CLTCL1: variants seen among roughly 807,000 people sequenced by gnomAD.
The protein encoded by CLTCL1 is clathrin heavy chain like 1.
In CLTCL1, 159 loss-of-function variants were observed where a neutral mutation model predicts 190.0. The observed-to-expected ratio is 0.84, with a 90% CI of 0.74 to 0.95. The LOEUF is 0.95. CLTCL1 is among the 40% of genes least tolerant of loss of function. The probability of loss-of-function intolerance (pLI) is 0.00; values close to 1 mark genes in which losing one functional copy is unlikely to be tolerated. For missense variants in CLTCL1, 1,878 were observed against 2,033.4 expected (o/e 0.92, Z 1.47); for synonymous variants, 752 against 769.6 (o/e 0.98, Z 0.38).
chr22:19,229,780 A>G, intron 11 of CLTCL1, 58 bp downstream of exon 11: 1 of 1,492,782 alleles, frequency 6.7e-7, no homozygotes, highest in Non-Finnish European at 8.9e-7. Flanking sequence ...CAAGTCTGCA[A>G]ACCCAGAGAG....
At chr22:19,229,759 G>C in intron 11 of CLTCL1, 79 bp downstream of exon 11, 2 of 1,405,862 alleles carry the variant, frequency 1.4e-6, no homozygotes, top group South Asian at 3.0e-5. Flanking sequence ...CCAGTCCAAA[G>C]CCACTGTGCT....
At position 19,242,794 on chromosome 22, in the gene CLTCL1, C is replaced by T. The variant is rs782351246; in HGVS notation, c.662G>A (p.Arg221His). The change falls in exon 4 of 33, where the codon CGT becomes CAT. Residue 221 changes from arginine (R) to histidine (H), a missense_variant. By Grantham distance (29) the Arg-to-His change is conservative. Transcript: ENST00000427926. ...KPATLFCFAV[R>H]NPTGGKLHII... is the part of the protein sequence containing the mutation. ...TCTTACCTTGCCTCCTGTGGGATTA[C>T]GTACAGCAAAGCAGAAAAGGGTGGC... 7.4e-6 allele frequency: 12 copies of T among 1,613,882 alleles called. No homozygotes were observed. The highest frequency in any genetic ancestry group is 1.7e-4 in the Middle Eastern group (1 of 6,058).
chr22:19,242,758 A>G lies in CLTCL1; in HGVS notation c.681+17T>C. ...ATGACACTTTTCTCAGGGAGAAGACAGTAGAGTGGATCTTACCTTGCCTCC... is the reference window on the plus strand; with the variant it reads ...ATGACACTTTTCTCAGGGAGAAGACGGTAGAGTGGATCTTACCTTGCCTCC... On this transcript the variant is annotated intron_variant, in intron 4 of 32. Transcript: ENST00000427926. The G allele has an allele frequency of 1.9e-6, 3 of 1,613,860 alleles. No individual in the cohort carries two copies. The highest frequency in any genetic ancestry group is 2.5e-6 in the Non-Finnish European group (3 of 1,179,808).
chr22:19,205,176 T>C (rs1225268920), intron 22 of CLTCL1, among the ~76,000 whole-genome samples: 3 of 152,218 alleles, frequency 2.0e-5, no homozygotes, highest in African/African-American at 7.2e-5. Context: ...TTATTCACTG[T>C]CCTCATCAGT....
chr22:19,188,240 CCTACA>C (rs1313404253), intron 27 of CLTCL1, 149 bp from the exon 28 acceptor site: 4 of 678,360 alleles, frequency 5.9e-6, no homozygotes, highest in Non-Finnish European at 1.0e-5. Context: ...AACCAAAAGA[CCTACA>C]CTCACACAAA....
intron 2 of CLTCL1, among the ~76,000 whole-genome samples, chr22:19,269,428 C>G (rs2087230434): frequency 6.6e-6 from 1 of 152,074 alleles, no homozygotes; most frequent in South Asian, 2.1e-4. Flanking sequence ...ACAAATTTAT[C>G]ATATGATCCA....
chr22:19,265,003 G>A (rs1232887264), intron 2 of CLTCL1, among the ~76,000 whole-genome samples: 3 of 152,026 alleles, frequency 2.0e-5, no homozygotes, highest in African/African-American at 7.2e-5. Context: ...TGGCCAGGCT[G>A]GTCTCAAACT....
Position 19,199,724 on chromosome 22 carries a change from A to G in CLTCL1, c.3873+10T>C, listed in dbSNP as rs1555937917. 6.4e-7 allele frequency: 1 copy of G among 1,568,578 alleles called. No individual in the cohort carries two copies. ...GTCATCTGCATTACCAGCAGAGATC[A>G]TCTGGTCACCTGGTAATAGCACATC... is the stretch of plus-strand genomic sequence containing the variant. On this transcript the variant is annotated intron_variant, in intron 24 of 32. Coordinates refer to ENST00000427926, the MANE Select transcript of CLTCL1 (RefSeq NM_007098.4).
In CLTCL1 at chr22:19,286,875, T is replaced by C. The variant is rs112667266; in HGVS notation, c.42+4725A>G. 8.7e-4 allele frequency among the ~76,000 whole-genome samples: 132 copies of C among 152,332 alleles called. 2 individuals are homozygous for C. Among genetic ancestry groups the C allele is most frequent in the African/African-American group, 3.1e-3 (127 of 41,580 alleles). ...ACATGCAGCCTAGGTAGAGAAGCAC[T>C]GATTAAGATCTTGACCATCTTTCTC... On this transcript the variant is annotated intron_variant, in intron 1 of 32. Coordinates refer to ENST00000427926, the MANE Select transcript of CLTCL1 (RefSeq NM_007098.4).
intron 2 of CLTCL1, among the ~76,000 whole-genome samples, chr22:19,266,901 T>C (rs1373378546): frequency 6.6e-6 from 1 of 152,184 alleles, no homozygotes; most frequent in Non-Finnish European, 1.5e-5. Context: ...TATTTAATTG[T>C]AAAAGGCTAA....
At chr22:19,221,778 T>C (rs2085578670) in intron 16 of CLTCL1, among the ~76,000 whole-genome samples, 167 bp from the exon 17 acceptor site, 2 of 152,200 alleles carry the variant, frequency 1.3e-5, no homozygotes, top group African/African-American at 2.4e-5. Context: ...TGATTTCTAC[T>C]GTTAGGTTTT....
chr22:19,214,057 T>C (rs1555948351), intron 19 of CLTCL1, among the ~76,000 whole-genome samples: 1 of 152,210 alleles, frequency 6.6e-6, no homozygotes, highest in African/African-American at 2.4e-5. Context: ...TTATTGATGG[T>C]TATCTGGATC....
intron 17 of CLTCL1, among the ~76,000 whole-genome samples, chr22:19,220,300 T>C (rs2085526777): frequency 6.6e-6 from 1 of 152,216 alleles, no homozygotes; most frequent in Middle Eastern, 3.2e-3. Flanking sequence ...CCATTCTGTC[T>C]GATACAGCCA....
intron 5 of CLTCL1, among the ~76,000 whole-genome samples, chr22:19,236,932 T>C (rs2086099050): frequency 6.6e-6 from 1 of 152,112 alleles, no homozygotes; most frequent in African/African-American, 2.4e-5. Flanking sequence ...TAGATCAAAG[T>C]AAATTCCAGA....
intron 1 of CLTCL1, among the ~76,000 whole-genome samples, chr22:19,278,478 T>C (rs1203421988): frequency 2.6e-5 from 4 of 152,106 alleles, no homozygotes; most frequent in African/African-American, 7.2e-5. Context: ...AAGATGGACA[T>C]AATTTACTTA....
At chr22:19,243,667 A>T (rs1253487813) in intron 3 of CLTCL1, among the ~76,000 whole-genome samples, 3 of 150,390 alleles carry the variant, frequency 2.0e-5, no homozygotes, top group Non-Finnish European at 3.0e-5. Flanking sequence ...CTTTTATAAA[A>T]CTTAGAACTT....
At chr22:19,252,289 T>C (rs1383239914) in intron 3 of CLTCL1, among the ~76,000 whole-genome samples, 1 of 152,202 alleles carries the variant, frequency 6.6e-6, no homozygotes, top group African/African-American at 2.4e-5. Context: ...ACCTGCTACA[T>C]AATTCCCATT....
chr22:19,288,471 T>C (rs932203657), intron 1 of CLTCL1, among the ~76,000 whole-genome samples: 1 of 152,236 alleles, frequency 6.6e-6, no homozygotes, highest in Non-Finnish European at 1.5e-5. Flanking sequence ...ATGCTTTACA[T>C]TTATTAACTC....
At chr22:19,263,484 G>A (rs1569237842) in intron 2 of CLTCL1, among the ~76,000 whole-genome samples, 1 of 152,004 alleles carries the variant, frequency 6.6e-6, no homozygotes, top group Non-Finnish European at 1.5e-5. Context: ...GCGCAGTCTT[G>A]GCTCACTGCA....
Sources: allele counts gnomAD v4.1 joint callset (sites outside exome capture counted in the v4.1 genomes callset), GRCh38; gene constraint gnomAD v4.1.1; transcripts MANE v1.5; gene names NCBI Gene and HGNC (gene_info 2026-07-23, HGNC 2026-07-21).